WDFY4: variants seen among roughly 807,000 people sequenced by gnomAD.
WDFY4 encodes the protein WD repeat- and FYVE domain-containing protein 4.
A neutral mutation model predicts 351.9 loss-of-function variants in WDFY4; 169 were observed. That is an observed-to-expected ratio of 0.48 (90% CI 0.42 to 0.55). The LOEUF (loss-of-function observed/expected upper bound fraction) is 0.55, where lower values mean the gene tolerates loss of function less well. Among genes scored for constraint, WDFY4 ranks in the 20% least tolerant of loss-of-function variants. The pLI, the probability that WDFY4 is intolerant of heterozygous loss-of-function variation, is 0.00. For missense variants in WDFY4, 3,803 were observed against 3,935.6 expected (o/e 0.97, Z 0.90); for synonymous variants, 1,622 against 1,574.6 (o/e 1.03, Z -0.71).
chr10:48,815,074 A>G (rs2067575695), intron 31 of WDFY4, among the ~76,000 whole-genome samples: 1 of 152,218 alleles, frequency 6.6e-6, no homozygotes, highest in Non-Finnish European at 1.5e-5. Context: ...TCTTTAGTGT[A>G]TTCTGGGATG....
At chr10:48,902,575 G>A (rs763223949) in intron 47 of WDFY4, among the ~76,000 whole-genome samples, 15 of 151,796 alleles carry the variant, frequency 9.9e-5, no homozygotes, top group Non-Finnish European at 1.3e-4. Flanking sequence ...TTTATTAATA[G>A]CTTGTGATAC....
intron 12 of WDFY4, among the ~76,000 whole-genome samples, chr10:48,757,966 A>G (rs1015141899): frequency 5.9e-5 from 9 of 152,258 alleles, no homozygotes; most frequent in African/African-American, 2.2e-4. Flanking sequence ...TCATACCTAA[A>G]TTTAAGAACT....
At chr10:48,706,083 G>C (rs2063618910) in intron 1 of WDFY4, among the ~76,000 whole-genome samples, 1 of 152,206 alleles carries the variant, frequency 6.6e-6, no homozygotes, top group South Asian at 2.1e-4. Flanking sequence ...GGAAATCCTA[G>C]TAGAAATCTT....
chr10:48,934,761 G>A (rs114858659), intron 47 of WDFY4, among the ~76,000 whole-genome samples: 2,673 of 152,286 alleles, frequency 0.018, 84 homozygotes, highest in African/African-American at 0.061. Flanking sequence ...TTCCTTAGAG[G>A]GGTGACTGGT....
chr10:48,834,957 T>C (rs2068332466), intron 39 of WDFY4, among the ~76,000 whole-genome samples: 1 of 152,238 alleles, frequency 6.6e-6, no homozygotes. Context: ...CAGTTTGCTC[T>C]TGGCTCACAT....
chr10:48,759,912 C>T (rs949253989), intron 12 of WDFY4, among the ~76,000 whole-genome samples: 12 of 152,034 alleles, frequency 7.9e-5, no homozygotes, highest in African/African-American at 2.7e-4. Context: ...TAGTTGCATT[C>T]GGTATTCAGG....
intron 11 of WDFY4, among the ~76,000 whole-genome samples, chr10:48,737,144 G>C (rs758922558): frequency 3.9e-5 from 6 of 152,068 alleles, no homozygotes; most frequent in Non-Finnish European, 8.8e-5. Flanking sequence ...TAAGTAGCTA[G>C]AACTATAGAC....
chr10:48,690,505 G>A lies in WDFY4; in HGVS notation c.-18+5504G>A, dbSNP rs762179230. On this transcript the variant is annotated intron_variant, in intron 1 of 61. Coordinates refer to ENST00000325239, the MANE Select transcript of WDFY4 (RefSeq NM_001394531.1). ...TCATGTGGAGGGTGAGCAAGATGAA[G>A]AGGAGCTTTATTAAGTGTTAGAACA... Among the ~76,000 whole-genome samples, 32 of 152,182 alleles carry A rather than the reference G, an allele frequency of 2.1e-4. 1 individual carries two copies. The highest frequency in any genetic ancestry group is 2.6e-4 in the Admixed American group (4 of 15,292).
rs764536033 is a variant in WDFY4 at position 48,832,673 on chromosome 10, C to T, written c.6627C>T (p.Pro2209=). ...GSLSSAMKLM[P]GRQAKDPECK... ...TGTCCTCAGCCATGAAGCTGATGCCCGGGCGGCAGGCCAAGGACCCTGAGT... is the reference window on the plus strand; with the variant it reads ...TGTCCTCAGCCATGAAGCTGATGCCTGGGCGGCAGGCCAAGGACCCTGAGT... Residue 2209 remains proline (P), a synonymous_variant, in exon 39 of 62, where the codon CCC becomes CCT. Coordinates refer to ENST00000325239, the MANE Select transcript of WDFY4 (RefSeq NM_001394531.1). 3.9e-5 allele frequency: 60 copies of T among 1,550,158 alleles called. 1 individual carries two copies. Among genetic ancestry groups the T allele is most frequent in the African/African-American group, 1.9e-4 (14 of 73,032 alleles).
intron 44 of WDFY4, among the ~76,000 whole-genome samples, chr10:48,893,216 T>C (rs1325965737): frequency 1.3e-5 from 2 of 152,206 alleles, no homozygotes; most frequent in Non-Finnish European, 2.9e-5. Context: ...CCTCTGTGTG[T>C]CTATCTCCGT....
Position 48,729,543 on chromosome 10 carries a change from C to A in WDFY4, c.1083C>A (p.Ile361=). ...CAGAGCTGAAGGTGTTTGACAGCAT[C>A]ACTTACCCTCAGCTTGAAGGCTTCA... is the stretch of plus-strand genomic sequence containing the variant. The part of the protein sequence containing the change: ...GRSELKVFDS[I]TYPQLEGFKF... Residue 361 remains isoleucine, a synonymous_variant, in exon 8 of 62, where the codon ATC becomes ATA. Transcript: ENST00000325239. 6.4e-7 allele frequency: 1 copy of A among 1,551,746 alleles called. No homozygotes were observed. Among genetic ancestry groups the A allele is most frequent in the Non-Finnish European group, 8.7e-7 (1 of 1,147,016 alleles).
intron 1 of WDFY4, among the ~76,000 whole-genome samples, chr10:48,705,948 T>C (rs548359296): frequency 2.4e-4 from 36 of 152,332 alleles, no homozygotes; most frequent in African/African-American, 8.4e-4. Context: ...CCTGCAGGTG[T>C]GGCCACAGAA....
intron 39 of WDFY4, among the ~76,000 whole-genome samples, chr10:48,836,232 T>G (rs1187126325): frequency 6.6e-6 from 1 of 152,272 alleles, no homozygotes; most frequent in Non-Finnish European, 1.5e-5. Flanking sequence ...TAATTGATAT[T>G]TTCTAATGTA....
At chr10:48,774,005 C>A (rs576349535) in intron 13 of WDFY4, among the ~76,000 whole-genome samples, 1 of 152,292 alleles carries the variant, frequency 6.6e-6, no homozygotes, top group East Asian at 1.9e-4. Context: ...CACCTTCCCC[C>A]CACAGAGGTG....
intron 37 of WDFY4, 41 bp from the exon 38 acceptor site, chr10:48,830,659 A>G: frequency 6.5e-7 from 1 of 1,536,532 alleles, no homozygotes. Flanking sequence ...TGGGAGGGTC[A>G]CTGAGGCCAT....
intron 6 of WDFY4, 145 bp downstream of exon 6, chr10:48,726,215 T>C (rs1157063769): frequency 8.4e-6 from 8 of 950,998 alleles, no homozygotes; most frequent in East Asian, 2.7e-5. Flanking sequence ...AAAGAAGAGA[T>C]GAATGAGCAG....
intron 1 of WDFY4, among the ~76,000 whole-genome samples, chr10:48,704,489 C>T (rs1469548634): frequency 1.3e-5 from 2 of 152,218 alleles, no homozygotes; most frequent in African/African-American, 4.8e-5. Context: ...TCCCTGCAGC[C>T]TCCTGGCCTC....
intron 7 of WDFY4, among the ~76,000 whole-genome samples, chr10:48,728,010 C>A (rs1039131071): frequency 3.9e-5 from 6 of 152,164 alleles, no homozygotes; most frequent in African/African-American, 7.2e-5. Context: ...AAATGAACCA[C>A]CTTCAGGAGC....
intron 47 of WDFY4, among the ~76,000 whole-genome samples, chr10:48,925,470 G>A (rs539050038): frequency 5.9e-5 from 9 of 152,294 alleles, no homozygotes; most frequent in Admixed American, 3.9e-4. Flanking sequence ...AGATCATTCT[G>A]GGCCCGAAAT....
Sources: allele counts gnomAD v4.1 joint callset (sites outside exome capture counted in the v4.1 genomes callset), GRCh38; gene constraint gnomAD v4.1.1; transcripts MANE v1.5; gene names NCBI Gene and HGNC (gene_info 2026-07-23, HGNC 2026-07-21).